Variants in LMBRD1 observed in about 807,000 individuals in gnomAD.
The protein encoded by LMBRD1 is lysosomal cobalamin transport escort protein LMBD1.
A neutral mutation model predicts 74.8 loss-of-function variants in LMBRD1; 64 were observed. The observed-to-expected ratio is 0.86, with a 90% CI of 0.70 to 1.05. The LOEUF (loss-of-function observed/expected upper bound fraction) is 1.05, where lower values mean the gene tolerates loss of function less well. LMBRD1 is among the 50% of genes least tolerant of loss of function. The pLI, the probability that LMBRD1 is intolerant of heterozygous loss-of-function variation, is 0.00. For synonymous variants in LMBRD1, 204 were observed against 216.3 expected (o/e 0.94, Z 0.50); for missense variants, 652 against 645.9 (o/e 1.01, Z -0.10).
intron 9 of LMBRD1, among the ~76,000 whole-genome samples, chr6:69,708,558 T>C (rs1268159743): frequency 6.6e-6 from 1 of 152,072 alleles, no homozygotes; most frequent in African/African-American, 2.4e-5. Flanking sequence ...AACCCAGGAT[T>C]AGGTGACCAC....
chr6:69,733,025 A>G (rs1469524974), intron 7 of LMBRD1, among the ~76,000 whole-genome samples: 1 of 152,184 alleles, frequency 6.6e-6, no homozygotes, highest in African/African-American at 2.4e-5. Flanking sequence ...AATACAGGGT[A>G]CAGTAGTCAG....
intron 7 of LMBRD1, among the ~76,000 whole-genome samples, chr6:69,726,036 A>G (rs941841503): frequency 6.6e-6 from 1 of 152,204 alleles, no homozygotes; most frequent in Non-Finnish European, 1.5e-5. Context: ...ACAACTCTAC[A>G]GAAAAAAGCC....
chr6:69,684,289 A>G (rs556458725), intron 14 of LMBRD1, among the ~76,000 whole-genome samples: 1 of 152,196 alleles, frequency 6.6e-6, no homozygotes, highest in East Asian at 1.9e-4. Context: ...CAAAGAACAT[A>G]GAGTAAATGG....
chr6:69,729,397 C>G (rs1222421419), intron 7 of LMBRD1, among the ~76,000 whole-genome samples: 2 of 151,798 alleles, frequency 1.3e-5, no homozygotes, highest in East Asian at 3.9e-4. Context: ...ATCTGCCAAA[C>G]TTGGCTGAAC....
At chr6:69,717,400 T>C (rs767864351) in intron 8 of LMBRD1, among the ~76,000 whole-genome samples, 20 of 152,324 alleles carry the variant, frequency 1.3e-4, no homozygotes, top group South Asian at 6.2e-4. Flanking sequence ...TATTTGACGT[T>C]AATGGGAATG....
intron 2 of LMBRD1, among the ~76,000 whole-genome samples, chr6:69,785,481 C>T (rs1765926154): frequency 6.6e-6 from 1 of 152,196 alleles, no homozygotes; most frequent in Admixed American, 6.5e-5. Flanking sequence ...AACTATAACT[C>T]TTTTCTCTAC....
intron 9 of LMBRD1, among the ~76,000 whole-genome samples, chr6:69,711,745 ATTTC>A (rs1033067679): frequency 1.3e-4 from 20 of 152,258 alleles, no homozygotes; most frequent in Admixed American, 2.6e-4. Flanking sequence ...CAGTTAGTGC[ATTTC>A]TTTCTAATTA....
At chr6:69,716,716 T>C (rs918677870) in intron 8 of LMBRD1, among the ~76,000 whole-genome samples, 7 of 151,998 alleles carry the variant, frequency 4.6e-5, no homozygotes, top group African/African-American at 1.7e-4. Context: ...TAACAACTTA[T>C]TTTGAACATG....
chr6:69,700,724 C>T, intron 12 of LMBRD1, 41 bp downstream of exon 12: 2 of 1,303,262 alleles, frequency 1.5e-6, no homozygotes, highest in Non-Finnish European at 2.1e-6. Flanking sequence ...AGATCACACA[C>T]AAAATGATGA....
rs1285609201 is a variant in LMBRD1, at chr6:69,747,784, A to G, written c.473+1557T>C. 2.0e-5 allele frequency among the ~76,000 whole-genome samples: 3 copies of G among 152,254 alleles called. No individual in the cohort carries two copies. In the East Asian group the frequency reaches 5.8e-4, roughly 29 times the overall value. ...AGTGTTTCAAAAACGTATGAGCTAC[A>G]TGAATTAGTTAAATCTAGATCACGG... On this transcript the variant is annotated intron_variant, in intron 5 of 15. Transcript: ENST00000649934.
chr6:69,725,861 C>T (rs1766720652), intron 7 of LMBRD1, among the ~76,000 whole-genome samples: 1 of 152,036 alleles, frequency 6.6e-6, no homozygotes, highest in African/African-American at 2.4e-5. Flanking sequence ...GAAGTACAGG[C>T]AACCAAAGCA....
At position 69,701,442 on chromosome 6, in the gene LMBRD1, C is replaced by A; in HGVS notation, c.1083+1G>T. On this transcript the variant is annotated splice_donor_variant, in intron 11 of 15. Coordinates refer to ENST00000649934, the MANE Select transcript of LMBRD1 (RefSeq NM_018368.4). LOFTEE classifies it high-confidence loss of function. ...TATAAAATGATTGATATTTTACTTA[C>A]TGTTTGTAGTAAAGGCAAAAGCATA... The A allele has an allele frequency of 6.5e-7, 1 of 1,532,800 alleles. No homozygotes were observed. Among genetic ancestry groups the A allele is most frequent in the South Asian group, 1.1e-5 (1 of 89,066 alleles). 94.9% of individuals were successfully genotyped at this position (1,532,800 alleles called of 1,614,324 possible). A position where few individuals can be genotyped will look rare whatever the true frequency, so the allele number is the denominator to read the frequency against.
At chr6:69,707,270 C>A (rs1051492342) in intron 9 of LMBRD1, among the ~76,000 whole-genome samples, 8 of 152,082 alleles carry the variant, frequency 5.3e-5, no homozygotes, top group Non-Finnish European at 1.5e-5. Flanking sequence ...CCAGAAAGTT[C>A]TCTGCTTTTA....
intron 3 of LMBRD1, among the ~76,000 whole-genome samples, chr6:69,763,639 C>T (rs1765418408): frequency 6.6e-6 from 1 of 152,180 alleles, no homozygotes; most frequent in Non-Finnish European, 1.5e-5. Context: ...TTCAACATGT[C>T]AGAGAATAGC....
chr6:69,743,048 T>C (rs1767138680), intron 5 of LMBRD1, among the ~76,000 whole-genome samples: 1 of 152,032 alleles, frequency 6.6e-6, no homozygotes, highest in Non-Finnish European at 1.5e-5. Flanking sequence ...ATCAAACAAA[T>C]GAAAGCAGAG....
intron 1 of LMBRD1, 136 bp downstream of exon 1, chr6:69,796,677 G>A (rs1160085691): frequency 5.0e-6 from 4 of 804,620 alleles, no homozygotes; most frequent in Non-Finnish European, 8.5e-6. Context: ...CAACACTAAG[G>A]AGCCCTCCAC....
chr6:69,779,100 C>T (rs1046372690), intron 3 of LMBRD1, among the ~76,000 whole-genome samples: 4 of 150,236 alleles, frequency 2.7e-5, no homozygotes, highest in South Asian at 2.1e-4. Context: ...GCAGGAGAAT[C>T]GCTTGAACCC....
Position 69,713,542 on chromosome 6 carries a change from A to G in LMBRD1, c.915+103T>C. ...AGATTAAACCCCCAAATCCATTTTA[A>G]GTACCATGCTGTAATGCCTCAAAAG... On this transcript the variant is annotated intron_variant, in intron 9 of 15. Coordinates refer to ENST00000649934, the MANE Select transcript of LMBRD1 (RefSeq NM_018368.4). 2.5e-6 allele frequency: 3 copies of G among 1,198,738 alleles called. No individual in the cohort carries two copies. In the Admixed American group the frequency reaches 6.1e-5, roughly 25 times the overall value. The allele number at this position is 1,198,738 out of a possible 1,614,324, so 74.3% of individuals were successfully genotyped here.
At chr6:69,769,443 C>CAATA (rs1765533909) in intron 3 of LMBRD1, among the ~76,000 whole-genome samples, 1 of 152,130 alleles carries the variant, frequency 6.6e-6, no homozygotes, top group African/African-American at 2.4e-5. Context: ...AACTGATTTA[C>CAATA]AATAGCTGCT....
Sources: allele counts gnomAD v4.1 joint callset (sites outside exome capture counted in the v4.1 genomes callset), GRCh38; gene constraint gnomAD v4.1.1; transcripts MANE v1.5; gene names NCBI Gene and HGNC (gene_info 2026-07-23, HGNC 2026-07-21).